Variants in AMBRA1 observed in about 807,000 individuals in gnomAD.
AMBRA1 encodes activating molecule in BECN1-regulated autophagy protein 1.
AMBRA1 carries 47 observed loss-of-function variants against 125.4 expected under a neutral mutation model. The observed-to-expected ratio is 0.37, with a 90% CI of 0.30 to 0.48. The LOEUF (loss-of-function observed/expected upper bound fraction) is 0.48. Among genes scored for constraint, AMBRA1 ranks in the 20% least tolerant of loss-of-function variants. The pLI, the probability that AMBRA1 is intolerant of heterozygous loss-of-function variation, is 0.99. For missense variants in AMBRA1, 1,331 were observed against 1,693.4 expected (o/e 0.79, Z 3.76); for synonymous variants, 626 against 655.5 (o/e 0.95, Z 0.69).
intron 7 of AMBRA1, among the ~76,000 whole-genome samples, chr11:46,519,389 G>T (rs1297561478): frequency 1.3e-5 from 2 of 152,246 alleles, no homozygotes; most frequent in East Asian, 3.9e-4. Flanking sequence ...AGTCCATATG[G>T]AATAAACAAA....
At chr11:46,560,852 A>G (rs996181279) in intron 1 of AMBRA1, among the ~76,000 whole-genome samples, 1 of 152,216 alleles carries the variant, frequency 6.6e-6, no homozygotes, top group Non-Finnish European at 1.5e-5. Context: ...GAGGCAAAAC[A>G]GCTTAACCCC....
At chr11:46,541,602 C>T (rs1030984643) in intron 7 of AMBRA1, among the ~76,000 whole-genome samples, 4 of 152,164 alleles carry the variant, frequency 2.6e-5, no homozygotes, top group Non-Finnish European at 5.9e-5. Context: ...ATAAGTAGTC[C>T]TGCACATACA....
At chr11:46,465,291 T>C (rs1362406032) in intron 11 of AMBRA1, among the ~76,000 whole-genome samples, 1 of 152,170 alleles carries the variant, frequency 6.6e-6, no homozygotes, top group Admixed American at 6.5e-5. Context: ...CTTCCCCATG[T>C]GGCCTTGTGT....
intron 15 of AMBRA1, among the ~76,000 whole-genome samples, chr11:46,416,191 T>C (rs1946539495): frequency 1.3e-5 from 2 of 152,166 alleles, no homozygotes; most frequent in Admixed American, 1.3e-4. Context: ...AAAAGATGCT[T>C]ATTAGATTTC....
chr11:46,536,861 G>A (rs1042105302), intron 7 of AMBRA1, among the ~76,000 whole-genome samples: 23 of 152,208 alleles, frequency 1.5e-4, no homozygotes, highest in African/African-American at 5.1e-4. Context: ...CACTAAGGCC[G>A]TCAATGTACT....
chr11:46,410,107 G>C (rs1301583052), intron 16 of AMBRA1, among the ~76,000 whole-genome samples, 169 bp downstream of exon 16: 1 of 152,210 alleles, frequency 6.6e-6, no homozygotes, highest in Admixed American at 6.5e-5. Flanking sequence ...CTCTTTCTTA[G>C]CCACACAACA....
intron 16 of AMBRA1, among the ~76,000 whole-genome samples, 166 bp from the exon 17 acceptor site, chr11:46,408,872 G>C (rs1488285453): frequency 6.6e-6 from 1 of 152,242 alleles, no homozygotes; most frequent in Non-Finnish European, 1.5e-5. Context: ...TAACTTGTCT[G>C]TGTCCATTCT....
At chr11:46,551,998 G>A (rs188439233) in intron 1 of AMBRA1, among the ~76,000 whole-genome samples, 2,843 of 143,130 alleles carry the variant, frequency 0.02, 26 homozygotes, top group Non-Finnish European at 0.023. Flanking sequence ...ACTGCACTCC[G>A]GCCTGGGTGA....
At chr11:46,582,283 A>G (rs1269838442) in intron 1 of AMBRA1, among the ~76,000 whole-genome samples, 1 of 152,108 alleles carries the variant, frequency 6.6e-6, no homozygotes, top group Admixed American at 6.6e-5. Context: ...AATTTCATAC[A>G]TGCTATTCCC....
chr11:46,568,505 G>C (rs1241887970), intron 1 of AMBRA1, among the ~76,000 whole-genome samples: 1 of 151,802 alleles, frequency 6.6e-6, no homozygotes, highest in African/African-American at 2.4e-5. Flanking sequence ...AGGTGCAACA[G>C]CTCATGCCTG....
Position 46,397,342 on chromosome 11 carries a change from G to C in AMBRA1, c.*108C>G, listed in dbSNP as rs1665101915. The C allele has an allele frequency of 2.2e-6, 3 of 1,372,856 alleles. No homozygotes were observed. The highest frequency in any genetic ancestry group is 2.8e-6 in the Non-Finnish European group (3 of 1,056,450). 85.0% of individuals were successfully genotyped at this position (1,372,856 alleles called of 1,614,324 possible). ...CCACCCTGACCCTCTTCCTCCTCCT[G>C]TTCCCTGATGCAGCCAGCAGCTCTT... On this transcript the variant is annotated 3_prime_UTR_variant, in exon 18 of 18. Coordinates refer to ENST00000683756, the MANE Select transcript of AMBRA1 (RefSeq NM_001387011.1).
At chr11:46,429,346 C>T (rs1304193011) in intron 14 of AMBRA1, among the ~76,000 whole-genome samples, 3 of 152,198 alleles carry the variant, frequency 2.0e-5, no homozygotes, top group East Asian at 3.8e-4. Context: ...CAGGATAGCC[C>T]GGATGGGAGC....
intron 7 of AMBRA1, among the ~76,000 whole-genome samples, chr11:46,536,113 A>C (rs1343591010): frequency 6.6e-6 from 1 of 152,234 alleles, no homozygotes; most frequent in Non-Finnish European, 1.5e-5. Context: ...AATCTTTTTT[A>C]CTAAAAAGGC....
intron 11 of AMBRA1, among the ~76,000 whole-genome samples, chr11:46,468,282 G>T (rs1949416260): frequency 6.6e-6 from 1 of 152,084 alleles, no homozygotes; most frequent in African/African-American, 2.4e-5. Flanking sequence ...CACACTGGTA[G>T]TCCCAAGCAC....
chr11:46,516,604 T>C (rs1350293044), intron 7 of AMBRA1, among the ~76,000 whole-genome samples: 1 of 151,868 alleles, frequency 6.6e-6, no homozygotes, highest in East Asian at 1.9e-4. Context: ...CTAATTTCTT[T>C]TTGTATTTTT....
intron 11 of AMBRA1, among the ~76,000 whole-genome samples, chr11:46,472,381 C>A (rs1949634388): frequency 6.6e-6 from 1 of 152,174 alleles, no homozygotes; most frequent in Admixed American, 6.5e-5. Context: ...CCGCAAATAA[C>A]CTGGGTGCTA....
chr11:46,567,989 A>T (rs2043596000), intron 1 of AMBRA1, among the ~76,000 whole-genome samples: 1 of 151,730 alleles, frequency 6.6e-6, no homozygotes, highest in South Asian at 2.1e-4. Context: ...CTCTACTAAA[A>T]ATACAAAAAT....
intron 15 of AMBRA1, among the ~76,000 whole-genome samples, chr11:46,412,200 A>C (rs1002284713): frequency 6.6e-6 from 1 of 152,230 alleles, no homozygotes; most frequent in African/African-American, 2.4e-5. Context: ...ATGGTTGCTC[A>C]AGTCCCTAAT....
chr11:46,529,739 G>A (rs895284594), intron 7 of AMBRA1, among the ~76,000 whole-genome samples: 2 of 152,036 alleles, frequency 1.3e-5, no homozygotes, highest in African/African-American at 4.8e-5. Context: ...TACCCGAATT[G>A]ATATGGAAAA....
Sources: allele counts gnomAD v4.1 joint callset (sites outside exome capture counted in the v4.1 genomes callset), GRCh38; gene constraint gnomAD v4.1.1; transcripts MANE v1.5; gene names NCBI Gene and HGNC (gene_info 2026-07-23, HGNC 2026-07-21).